Variants in ZNF18 observed in about 807,000 individuals in gnomAD.
ZNF18 encodes heart development-specific gene 1 protein.
A neutral mutation model predicts 58.1 loss-of-function variants in ZNF18; 42 were observed. The observed-to-expected ratio is 0.72, with a 90% CI of 0.56 to 0.93. The LOEUF (loss-of-function observed/expected upper bound fraction) is 0.93. Ranked by LOEUF, ZNF18 falls within the 40% of genes least tolerant of loss-of-function variation. ZNF18 has a pLI of 0.00. For synonymous variants in ZNF18, 231 were observed against 239.8 expected (o/e 0.96, Z 0.34); for missense variants, 540 against 644.2 (o/e 0.84, Z 1.75).
At chr17:12,005,906 A>G in the ZNF18 span, among the ~76,000 whole-genome samples, 2 of 152,156 alleles carry the variant, frequency 1.3e-5, no homozygotes, top group African/African-American at 2.4e-5. Context: ...GTCTCAAAAT[A>G]CTTTTACTAG....
the ZNF18 span, among the ~76,000 whole-genome samples, chr17:12,018,705 A>C: frequency 1.3e-5 from 2 of 152,342 alleles, no homozygotes; most frequent in South Asian, 4.1e-4. Context: ...TAGCTTCCTC[A>C]GTTGGAACAA....
upstream of ZNF18, among the ~76,000 whole-genome samples, chr17:11,998,798 C>T (rs1292768631): frequency 6.7e-6 from 1 of 149,736 alleles, no homozygotes. Flanking sequence ...CTGTTTCAGC[C>T]TGACATAGGT....
the ZNF18 span, among the ~76,000 whole-genome samples, chr17:12,007,707 G>A: frequency 3.8e-4 from 58 of 152,288 alleles, no homozygotes; most frequent in African/African-American, 1.3e-3. Flanking sequence ...GCCTGCCCAC[G>A]TTGAGATTTT....
chr17:12,017,713 A>G, the ZNF18 span, among the ~76,000 whole-genome samples: 1 of 152,024 alleles, frequency 6.6e-6, no homozygotes. Flanking sequence ...CCCCGTCTCT[A>G]CTAAAAGTAA....
chr17:11,985,220 A>C (rs1407831643), intron 4 of ZNF18, among the ~76,000 whole-genome samples: 1 of 152,212 alleles, frequency 6.6e-6, no homozygotes, highest in Non-Finnish European at 1.5e-5. Context: ...GAGACTCAAA[A>C]CTGGGAATAC....
the ZNF18 span, among the ~76,000 whole-genome samples, chr17:12,011,571 A>C: frequency 6.6e-6 from 1 of 151,762 alleles, no homozygotes; most frequent in African/African-American, 2.4e-5. Flanking sequence ...TTTTTAGTAG[A>C]GATGGGGTTT....
At chr17:11,989,480 T>A (rs564482851) in intron 4 of ZNF18, among the ~76,000 whole-genome samples, 1 of 152,200 alleles carries the variant, frequency 6.6e-6, no homozygotes, top group Non-Finnish European at 1.5e-5. Flanking sequence ...ATATTCCATA[T>A]GTTCAAGAAG....
intron 6 of ZNF18, among the ~76,000 whole-genome samples, chr17:11,982,614 CCT>C (rs1967430114): frequency 6.6e-6 from 1 of 150,678 alleles, no homozygotes. Context: ...CATCCTTGGT[CCT>C]CTTCTTCCTC....
At chr17:11,996,727 T>C (rs544350385) in intron 1 of ZNF18, 2 of 152,206 alleles carry the variant, frequency 1.3e-5, no homozygotes, top group Non-Finnish European at 2.9e-5. Context: ...TGGTTACATA[T>C]ATAAGTAACC....
chr17:12,010,884 G>A, the ZNF18 span: 2 of 513,134 alleles, frequency 3.9e-6, no homozygotes. Flanking sequence ...TTAGTTTTCT[G>A]ATAATTTTCC....
the ZNF18 span, chr17:12,020,761 A>AGGCGTGTCCGG: frequency 2.4e-6 from 1 of 408,976 alleles, no homozygotes; most frequent in East Asian, 3.9e-5. Context: ...GCGTGTCAGG[A>AGGCGTGTCCGG]GGCGTGTCCG....
chr17:12,000,890 C>A (rs929682694), upstream of ZNF18, among the ~76,000 whole-genome samples: 2 of 151,960 alleles, frequency 1.3e-5, no homozygotes, highest in Non-Finnish European at 2.9e-5. Context: ...CAATAAGGAA[C>A]GAGAAGAGAA....
chr17:12,020,224 T>C, the ZNF18 span, among the ~76,000 whole-genome samples: 1 of 152,322 alleles, frequency 6.6e-6, no homozygotes, highest in South Asian at 2.1e-4. Flanking sequence ...TGCTTAAATA[T>C]ATGCTTCTCA....
chr17:11,994,414 T>TC (rs1968334632), intron 1 of ZNF18, among the ~76,000 whole-genome samples: 2 of 152,136 alleles, frequency 1.3e-5, no homozygotes, highest in Admixed American at 1.3e-4. Context: ...CAGTAGAAAA[T>TC]CCATATATAA....
rs1238634743 is a variant in ZNF18 at position 11,977,677 on chromosome 17, T to A, written c.*280A>T. On this transcript the variant is annotated 3_prime_UTR_variant, in exon 7 of 7. Transcript: ENST00000580306. ...CAGAAAGCACTTCTAAAACTGGATC[T>A]CCAATTTAGACTTTTTCCCCGATGG... 2 of 328,906 alleles carry A rather than the reference T, an allele frequency of 6.1e-6. No homozygotes were observed. The highest frequency in any genetic ancestry group is 4.4e-5 in the Admixed American group (1 of 22,612). 20.4% of individuals were successfully genotyped at this position (328,906 alleles called of 1,614,324 possible). A position where few individuals can be genotyped will look rare whatever the true frequency, so the allele number is the denominator to read the frequency against.
At chr17:11,988,161 G>C (rs1348185189) in intron 4 of ZNF18, among the ~76,000 whole-genome samples, 3 of 152,160 alleles carry the variant, frequency 2.0e-5, no homozygotes, top group Admixed American at 6.5e-5. Flanking sequence ...CAAAAATGAA[G>C]TATTAGGAAT....
intron 1 of ZNF18, among the ~76,000 whole-genome samples, chr17:11,993,137 T>C (rs1477732598): frequency 6.6e-6 from 1 of 152,214 alleles, no homozygotes; most frequent in Non-Finnish European, 1.5e-5. Context: ...TTTTATAATG[T>C]TCTTTCTTGG....
chr17:11,984,969 C>T (rs111822754), intron 4 of ZNF18, among the ~76,000 whole-genome samples: 47 of 152,236 alleles, frequency 3.1e-4, no homozygotes, highest in African/African-American at 1.0e-3. Flanking sequence ...AAAGCAAGTG[C>T]GAATCAGTAA....
the ZNF18 span, among the ~76,000 whole-genome samples, chr17:12,007,586 G>A: frequency 6.6e-6 from 1 of 152,270 alleles, no homozygotes; most frequent in East Asian, 1.9e-4. Flanking sequence ...CCCTTGCTGG[G>A]TCTGTGACAT....
Sources: allele counts gnomAD v4.1 joint callset (sites outside exome capture counted in the v4.1 genomes callset), GRCh38; gene constraint gnomAD v4.1.1; transcripts MANE v1.5; gene names NCBI Gene and HGNC (gene_info 2026-07-23, HGNC 2026-07-21).